The following NRXN1 variants were observed in gnomAD, a reference collection of about 807,000 sequenced individuals.
The protein encoded by NRXN1 is neurexin-1.
In NRXN1, 39 loss-of-function variants were observed where a neutral mutation model predicts 150.9. The ratio of observed to expected loss-of-function variants is 0.26; its 90% CI spans 0.20 to 0.34. The LOEUF (loss-of-function observed/expected upper bound fraction) is 0.34, where lower values mean the gene tolerates loss of function less well. Among genes scored for constraint, NRXN1 ranks in the 10% least tolerant of loss-of-function variants. The probability of loss-of-function intolerance (pLI) is 1.00; values close to 1 mark genes in which losing one functional copy is unlikely to be tolerated. For missense variants in NRXN1, 1,815 were observed against 1,949.9 expected, an observed-to-expected ratio of 0.93 and a Z score of 1.30; for synonymous variants, 924 against 757.0, an observed-to-expected ratio of 1.22 and a Z score of -3.62.
At chr2:49,988,686 A>G (rs970635733) in intron 21 of NRXN1, among the ~76,000 whole-genome samples, 4 of 151,836 alleles carry the variant, frequency 2.6e-5, no homozygotes, top group Non-Finnish European at 4.4e-5. Flanking sequence ...AATGAATTGA[A>G]TTATCACCGT....
Position 50,866,325 on chromosome 2 carries a change from A to C in NRXN1, c.832+55544T>G, listed in dbSNP as rs183405347. 5.4e-4 allele frequency among the ~76,000 whole-genome samples: 82 copies of C among 152,072 alleles called. 1 individual carries two copies. The highest frequency in any genetic ancestry group is 1.8e-3 in the African/African-American group (76 of 41,548). On this transcript the variant is annotated intron_variant, in intron 5 of 22. Coordinates refer to ENST00000401669, the MANE Select transcript of NRXN1 (RefSeq NM_001330078.2). ...TTTTTTCCATTCTCAAAATGAAATA[A>C]ACCTGAATAAATTATTATGAATTGT...
intron 18 of NRXN1, among the ~76,000 whole-genome samples, chr2:50,170,009 T>C (rs1419541040): frequency 6.6e-6 from 1 of 152,006 alleles, no homozygotes; most frequent in Non-Finnish European, 1.5e-5. Flanking sequence ...TTTCTGATCA[T>C]GACCCACAGA....
chr2:50,428,267 T>C (rs1281359290), intron 17 of NRXN1, among the ~76,000 whole-genome samples: 2 of 151,970 alleles, frequency 1.3e-5, no homozygotes, highest in Non-Finnish European at 2.9e-5. Context: ...ATAAAACATT[T>C]AGCTGGGCAT....
At chr2:50,227,606 T>C (rs1039566803) in intron 18 of NRXN1, among the ~76,000 whole-genome samples, 5 of 152,032 alleles carry the variant, frequency 3.3e-5, no homozygotes, top group Admixed American at 1.3e-4. Context: ...TAACTGAACA[T>C]TTGAAGCCAG....
At chr2:50,656,060 A>C (rs1053872021) in intron 5 of NRXN1, among the ~76,000 whole-genome samples, 30 of 151,954 alleles carry the variant, frequency 2.0e-4, no homozygotes, top group Admixed American at 1.9e-3. Flanking sequence ...TAAATCTGGA[A>C]TCTAAGCACT....
At chr2:50,786,070 G>A (rs1705070795) in intron 5 of NRXN1, among the ~76,000 whole-genome samples, 1 of 152,024 alleles carries the variant, frequency 6.6e-6, no homozygotes, top group Non-Finnish European at 1.5e-5. Flanking sequence ...GTCAGGATGA[G>A]CAGAATGCAA....
At chr2:50,518,213 A>G (rs915664929) in intron 12 of NRXN1, among the ~76,000 whole-genome samples, 2 of 152,118 alleles carry the variant, frequency 1.3e-5, no homozygotes, top group African/African-American at 4.8e-5. Flanking sequence ...TTCTAGAAAA[A>G]ATGTTCTAAA....
intron 5 of NRXN1, among the ~76,000 whole-genome samples, chr2:50,695,176 A>T (rs1452643450): frequency 7.2e-6 from 1 of 139,748 alleles, no homozygotes; most frequent in Non-Finnish European, 1.5e-5. Flanking sequence ...TAACATTTCA[A>T]CCTGGGTAAG....
chr2:50,570,308 T>C (rs986534544), intron 8 of NRXN1, among the ~76,000 whole-genome samples: 2 of 152,116 alleles, frequency 1.3e-5, no homozygotes, highest in Non-Finnish European at 2.9e-5. Context: ...AAGTAAAGTA[T>C]ACGAGGCCTT....
chr2:50,472,790 C>A (rs1219471829), intron 15 of NRXN1, among the ~76,000 whole-genome samples: 1 of 117,918 alleles, frequency 8.5e-6, no homozygotes, highest in East Asian at 2.7e-4. Flanking sequence ...GCAAGCCCTA[C>A]AGCCTTGTGT....
intron 18 of NRXN1, among the ~76,000 whole-genome samples, chr2:50,171,582 T>G (rs1276297820): frequency 6.6e-6 from 1 of 152,116 alleles, no homozygotes; most frequent in Non-Finnish European, 1.5e-5. Context: ...AAGATGATTT[T>G]GAGTCATTTG....
At chr2:50,668,934 C>A (rs1688447895) in intron 5 of NRXN1, among the ~76,000 whole-genome samples, 1 of 151,894 alleles carries the variant, frequency 6.6e-6, no homozygotes, top group African/African-American at 2.4e-5. Context: ...AAAGCATAGG[C>A]TGTTTTTCAG....
At chr2:50,177,498 T>C (rs1391568684) in intron 18 of NRXN1, among the ~76,000 whole-genome samples, 2 of 151,760 alleles carry the variant, frequency 1.3e-5, no homozygotes, top group South Asian at 2.1e-4. Flanking sequence ...AATATATTAC[T>C]TTTATATAAA....
intron 2 of NRXN1, among the ~76,000 whole-genome samples, chr2:50,994,161 A>G (rs190850934): frequency 6.6e-6 from 1 of 152,134 alleles, no homozygotes; most frequent in East Asian, 1.9e-4. Context: ...GAAGTTAAAT[A>G]ATCCAATCAG....
chr2:50,828,637 C>G (rs1246502051), intron 5 of NRXN1, among the ~76,000 whole-genome samples: 2 of 150,920 alleles, frequency 1.3e-5, no homozygotes, highest in African/African-American at 2.4e-5. Context: ...GATGGGTGGC[C>G]GGGCAGAGAC....
chr2:50,753,016 T>G (rs1700777873), intron 5 of NRXN1, among the ~76,000 whole-genome samples: 2 of 151,962 alleles, frequency 1.3e-5, no homozygotes, highest in African/African-American at 4.8e-5. Flanking sequence ...AACTGAATCC[T>G]ATTAACACTT....
chr2:50,917,046 G>A (rs535863006), intron 5 of NRXN1: 1 of 151,768 alleles, frequency 6.6e-6, no homozygotes, highest in Non-Finnish European at 1.5e-5. Flanking sequence ...TTTAATGTCT[G>A]ATATTATAAG....
chr2:50,439,807 ACT>A, intron 17 of NRXN1, among the ~76,000 whole-genome samples: 1 of 133,498 alleles, frequency 7.5e-6, no homozygotes, highest in South Asian at 2.5e-4. Context: ...ACAGAGTGAG[ACT>A]CTGTCTCAAA....
chr2:50,918,595 CT>C (rs1370866113), intron 5 of NRXN1: 3 of 372,880 alleles, frequency 8.0e-6, no homozygotes, highest in Admixed American at 9.2e-5. Flanking sequence ...CATATTTTGA[CT>C]TTTTTGTAAT....
Sources: gnomAD v4.1 joint callset for allele counts (sites outside exome capture counted in the v4.1 genomes callset) on GRCh38, gnomAD v4.1.1 for gene constraint, MANE v1.5 for transcripts, NCBI Gene and HGNC (gene_info 2026-07-23, HGNC 2026-07-21) for gene names.